IL2RA: variants seen among roughly 807,000 people sequenced by gnomAD.
The protein encoded by IL2RA is interleukin-2 receptor subunit alpha.
IL2RA carries 24 observed loss-of-function variants against 37.8 expected under a neutral mutation model. The observed-to-expected ratio is 0.63, with a 90% CI of 0.46 to 0.89. IL2RA has a LOEUF of 0.89. IL2RA is among the 40% of genes least tolerant of loss of function. The pLI is 0.00. For missense variants in IL2RA, 319 were observed against 348.6 expected (o/e 0.92, Z 0.68); for synonymous variants, 125 against 114.6 (o/e 1.09, Z -0.58).
At position 6,029,470 on chromosome 10, in the gene IL2RA, T is replaced by C. The variant is rs980951867; in HGVS notation, c.65-3445A>G. On this transcript the variant is annotated intron_variant, in intron 1 of 7. Transcript: ENST00000379959. The surrounding 1 kb of genome is among the most constrained non-coding windows in gnomAD (Gnocchi z 4.6). ...GTGAGACACTGTGTTCAGTGGTTTA[T>C]TTTTATAAATAAAGTTTTATTGGAA... Among the ~76,000 whole-genome samples, 3 of 152,114 alleles carry C rather than the reference T, an allele frequency of 2.0e-5. No homozygotes were observed. Among genetic ancestry groups the C allele is most frequent in the African/African-American group, 7.2e-5 (3 of 41,414 alleles).
chr10:6,031,039 G>A (rs542407080), intron 1 of IL2RA, among the ~76,000 whole-genome samples: 2 of 151,874 alleles, frequency 1.3e-5, no homozygotes, highest in East Asian at 3.9e-4. Flanking sequence ...AGAGAGAAAA[G>A]GAAGAATAGA....
intron 1 of IL2RA, among the ~76,000 whole-genome samples, chr10:6,042,993 G>A (rs2132883365): frequency 6.6e-6 from 1 of 152,292 alleles, no homozygotes; most frequent in Non-Finnish European, 1.5e-5. Context: ...CATGTTCTAG[G>A]ATCAGTGATC....
chr10:6,011,009 A>G lies in IL2RA; in HGVS notation c.*1863T>C, dbSNP rs1395983259. On this transcript the variant is annotated 3_prime_UTR_variant, in exon 8 of 8. Transcript: ENST00000379959. This position sits in a 1 kb window ranked among gnomAD's most constrained non-coding sequence, Gnocchi z 5.2. Reference sequence around the variant, plus strand: ...ACCTGAAGGGGGAGGGGGAGAGTGCACAGATGAGTCTGTTTGTATGTGGTT... The same window carrying G: ...ACCTGAAGGGGGAGGGGGAGAGTGCGCAGATGAGTCTGTTTGTATGTGGTT... 6.6e-6 allele frequency: 1 copy of G among 152,316 alleles called. No individual in the cohort carries two copies. Among genetic ancestry groups the G allele is most frequent in the African/African-American group, 2.4e-5 (1 of 41,442 alleles). 9.4% of individuals were successfully genotyped at this position (152,316 alleles called of 1,614,324 possible).
In IL2RA at chr10:6,028,301, T is replaced by C. The variant is rs966286612; in HGVS notation, c.65-2276A>G. On this transcript the variant is annotated intron_variant, in intron 1 of 7. Transcript: ENST00000379959. The surrounding 1 kb of genome is among the most constrained non-coding windows in gnomAD (Gnocchi z 4.1). ...TCTTAGCCAAGAGCTGGTCTGAACCTGAACAGGGCAGAACTCAGTGAAACT... is the reference window on the plus strand; with the variant it reads ...TCTTAGCCAAGAGCTGGTCTGAACCCGAACAGGGCAGAACTCAGTGAAACT... Among the ~76,000 whole-genome samples, 4 of 152,188 alleles carry C rather than the reference T, an allele frequency of 2.6e-5. No homozygotes were observed. The highest frequency in any genetic ancestry group is 5.9e-5 in the Non-Finnish European group (4 of 68,036).
chr10:6,049,221 C>T (rs1839910072), intron 1 of IL2RA, among the ~76,000 whole-genome samples: 1 of 152,194 alleles, frequency 6.6e-6, no homozygotes, highest in Non-Finnish European at 1.5e-5. Flanking sequence ...GCTGGAGAAC[C>T]AGGAGTGCAA....
At position 6,021,608 on chromosome 10, in the gene IL2RA, C is replaced by A. The variant is rs765403608; in HGVS notation, c.453G>T (p.Gln151His). 6.2e-7 allele frequency: 1 copy of A among 1,613,966 alleles called. No individual in the cohort carries two copies. Among genetic ancestry groups the A allele is most frequent in the Admixed American group, 1.7e-5 (1 of 59,992 alleles). The change falls in exon 4 of 8, where the codon CAG becomes CAT. Residue 151 changes from glutamine (Q) to histidine (H), a missense_variant. Gln to His is a conservative substitution (Grantham distance 24). Coordinates refer to ENST00000379959, the MANE Select transcript of IL2RA (RefSeq NM_000417.3). The surrounding 1 kb of genome is among the most constrained non-coding windows in gnomAD (Gnocchi z 4.9). ...HFVVGQMVYY[Q>H]CVQGYRALHR... is the part of the protein sequence containing the mutation. The stretch of plus-strand genomic sequence containing the variant: ...GTAGAGCCCTGTATCCCTGGACGCA[C>A]TGATAATAAACCATCTGCCCCACCA...
Position 6,058,039 on chromosome 10 carries a change from A to C in IL2RA, c.64+4049T>G, listed in dbSNP as rs1840073370. Among the ~76,000 whole-genome samples, 2 of 152,152 alleles carry C rather than the reference A, an allele frequency of 1.3e-5. No homozygotes were observed. The highest frequency in any genetic ancestry group is 4.8e-5 in the African/African-American group (2 of 41,426). ...TACTTGGGGAGGCTGAGGCAGGAGA[A>C]TCACTTGAACCCGGGAGGCAGAGGT... On this transcript the variant is annotated intron_variant, in intron 1 of 7. Coordinates refer to ENST00000379959, the MANE Select transcript of IL2RA (RefSeq NM_000417.3). The surrounding 1 kb of genome is among the most constrained non-coding windows in gnomAD (Gnocchi z 4.2).
At chr10:6,016,546 G>C (rs1839283252) in intron 7 of IL2RA, among the ~76,000 whole-genome samples, 1 of 152,012 alleles carries the variant, frequency 6.6e-6, no homozygotes, top group Admixed American at 6.5e-5. Flanking sequence ...ATTCTGACTG[G>C]AGCCCAATCA....
rs1449500538 is a variant in IL2RA, at chr10:6,033,642, T to C, written c.65-7617A>G. ...TAATGAACTATTGATACAGGCAATA[T>C]TGATAAATCTCAAAAATGTTATGTT... On this transcript the variant is annotated intron_variant, in intron 1 of 7. Transcript: ENST00000379959. This position sits in a 1 kb window ranked among gnomAD's most constrained non-coding sequence, Gnocchi z 4.3. Among the ~76,000 whole-genome samples, 2 of 152,214 alleles carry C rather than the reference T, an allele frequency of 1.3e-5. No individual in the cohort carries two copies. The highest frequency in any genetic ancestry group is 2.9e-5 in the Non-Finnish European group (2 of 68,040).
chr10:6,018,887 C>G lies in IL2RA; in HGVS notation c.727+541G>C, dbSNP rs994867633. Among the ~76,000 whole-genome samples the G allele has an allele frequency of 2.0e-5, 3 of 152,168 alleles. No homozygotes were observed. The highest frequency in any genetic ancestry group is 6.5e-5 in the Admixed American group (1 of 15,276). The stretch of plus-strand genomic sequence containing the variant: ...ACTAACAAACCTACTAACCTACCAA[C>G]AAACTAACCAACCAACCAATCTACC... On this transcript the variant is annotated intron_variant, in intron 6 of 7. Coordinates refer to ENST00000379959, the MANE Select transcript of IL2RA (RefSeq NM_000417.3). The surrounding 1 kb of genome is among the most constrained non-coding windows in gnomAD (Gnocchi z 5.1).
rs61008683 is a variant in IL2RA at position 6,051,817 on chromosome 10, CTATATATATA to C, written c.64+10261_64+10270del. Reference sequence around the variant, plus strand: ...TACAGACGTGAGCCATCATGCCCAGCTATATATATATATATATATATATATAGAATTTTTT... The same window carrying C: ...TACAGACGTGAGCCATCATGCCCAGCTATATATATATATATAGAATTTTTT... On this transcript the variant is annotated intron_variant, in intron 1 of 7. Coordinates refer to ENST00000379959, the MANE Select transcript of IL2RA (RefSeq NM_000417.3). Among the ~76,000 whole-genome samples, 46 of 33,686 alleles carry C rather than the reference CTATATATATA, an allele frequency of 1.4e-3. 3 individuals carry two copies. The highest frequency in any genetic ancestry group is 2.1e-3 in the African/African-American group (23 of 10,892). 22.1% of individuals were successfully genotyped at this position (33,686 alleles called of 152,430 possible). A position where few individuals can be genotyped will look rare whatever the true frequency, so the allele number is the denominator to read the frequency against.
chr10:6,026,525 C>A (rs953414966), intron 1 of IL2RA, among the ~76,000 whole-genome samples: 9 of 152,156 alleles, frequency 5.9e-5, no homozygotes, highest in African/African-American at 2.2e-4. Flanking sequence ...ATGTGTATTT[C>A]TCACCCACCT....
intron 5 of IL2RA, 84 bp downstream of exon 5, chr10:6,019,786 G>T: frequency 7.7e-7 from 1 of 1,296,594 alleles, no homozygotes; most frequent in Non-Finnish European, 1.1e-6. Context: ...GGTCACCTCC[G>T]CCTATCTCCC....
rs1343879266 is a variant in IL2RA at position 6,025,341 on chromosome 10, G to A, written c.256+493C>T. ...CGCACCCCAGCCTGGGCAACAGAGCGAGACTGTCTCAAAAATAAAAATAAA... is the reference window on the plus strand; with the variant it reads ...CGCACCCCAGCCTGGGCAACAGAGCAAGACTGTCTCAAAAATAAAAATAAA... On this transcript the variant is annotated intron_variant, in intron 2 of 7. Coordinates refer to ENST00000379959, the MANE Select transcript of IL2RA (RefSeq NM_000417.3). The surrounding 1 kb of genome is among the most constrained non-coding windows in gnomAD (Gnocchi z 4.4). 5.3e-5 allele frequency among the ~76,000 whole-genome samples: 8 copies of A among 152,004 alleles called. No individual in the cohort carries two copies. The highest frequency in any genetic ancestry group is 2.6e-4 in the Admixed American group (4 of 15,260).
At position 6,048,933 on chromosome 10, in the gene IL2RA, C is replaced by T. The variant is rs1232821964; in HGVS notation, c.64+13155G>A. ...AGCTCTCCTGCCTTGCGGGACTCTG[C>T]GTGGCTCTTGGAGCTCACCATGTGT... On this transcript the variant is annotated intron_variant, in intron 1 of 7. Transcript: ENST00000379959. The surrounding 1 kb of genome is among the most constrained non-coding windows in gnomAD (Gnocchi z 5.3). Among the ~76,000 whole-genome samples the T allele has an allele frequency of 2.0e-5, 3 of 152,206 alleles. No individual in the cohort carries two copies. The highest frequency in any genetic ancestry group is 6.5e-5 in the Admixed American group (1 of 15,280).
intron 1 of IL2RA, among the ~76,000 whole-genome samples, chr10:6,030,629 C>T (rs1414405362): frequency 6.6e-6 from 1 of 152,022 alleles, no homozygotes; most frequent in Admixed American, 6.6e-5. Flanking sequence ...CTGCATTACA[C>T]TAAAGAAAAA....
chr10:6,040,761 T>C (rs1206783906), intron 1 of IL2RA, among the ~76,000 whole-genome samples: 1 of 152,166 alleles, frequency 6.6e-6, no homozygotes, highest in East Asian at 1.9e-4. Context: ...ATAAAACTGG[T>C]AACATAGATA....
At chr10:6,016,397 A>G (rs1297116168) in intron 7 of IL2RA, among the ~76,000 whole-genome samples, 1 of 152,174 alleles carries the variant, frequency 6.6e-6, no homozygotes, top group Non-Finnish European at 1.5e-5. Flanking sequence ...GTTCTTTATA[A>G]GTTACCCAGT....
chr10:6,034,492 C>G (rs1440015352), intron 1 of IL2RA, among the ~76,000 whole-genome samples: 1 of 151,608 alleles, frequency 6.6e-6, no homozygotes, highest in African/African-American at 2.4e-5. Flanking sequence ...AGCAACAGAA[C>G]AACATCCAAA....
Sources: allele counts gnomAD v4.1 joint callset (sites outside exome capture counted in the v4.1 genomes callset), GRCh38; gene constraint gnomAD v4.1.1; non-coding constraint Gnocchi (gnomAD v3.1); transcripts MANE v1.5; gene names NCBI Gene and HGNC (gene_info 2026-07-23, HGNC 2026-07-21).